The following ADIG variants were observed in gnomAD, a reference collection of about 807,000 sequenced individuals.
ADIG encodes the protein adipogenesis associated.
A neutral mutation model predicts 10.7 loss-of-function variants in ADIG; 12 were observed. The observed-to-expected ratio is 1.12, with a 90% CI of 0.72 to 1.82. The LOEUF (loss-of-function observed/expected upper bound fraction) is 1.82. ADIG is among the 40% of genes most tolerant of loss of function. The pLI, the probability that ADIG is intolerant of heterozygous loss-of-function variation, is 0.00. For synonymous variants in ADIG, 32 were observed against 35.6 expected (o/e 0.90, Z 0.36); for missense variants, 72 against 92.5 (o/e 0.78, Z 0.91).
chr20:38,581,528 G>A (rs1462292250), intron 1 of ADIG, among the ~76,000 whole-genome samples, 154 bp downstream of exon 1: 1 of 152,190 alleles, frequency 6.6e-6, no homozygotes, highest in Non-Finnish European at 1.5e-5. Flanking sequence ...TAAGTGGAAA[G>A]GATTGGTTTG....
chr20:38,585,430 C>CGTAGATATTCTGCAAGTCAGAAGAT, intron 1 of ADIG: 1 of 1,550,230 alleles, frequency 6.5e-7, no homozygotes, highest in Non-Finnish European at 8.7e-7. Flanking sequence ...TATAATATAC[C>CGTAGATATTCTGCAAGTCAGAAGAT]GTAGATATTC....
intron 2 of ADIG, among the ~76,000 whole-genome samples, chr20:38,587,565 G>A (rs1052063507): frequency 1.3e-5 from 2 of 152,006 alleles, no homozygotes; most frequent in African/African-American, 4.8e-5. Context: ...TGAACAAGGG[G>A]CCCCACGTGT....
At chr20:38,587,156 A>G (rs2088644268) in intron 2 of ADIG, among the ~76,000 whole-genome samples, 1 of 152,128 alleles carries the variant, frequency 6.6e-6, no homozygotes, top group African/African-American at 2.4e-5. Context: ...CATGAATAGC[A>G]CCACTGTGGA....
At chr20:38,585,326 T>C in intron 1 of ADIG, 1 of 1,218,250 alleles carries the variant, frequency 8.2e-7, no homozygotes, top group Admixed American at 2.2e-5. Context: ...GTTAGCAAAC[T>C]CATTAACGTG....
chr20:38,586,645 GC>G (rs1465944210), intron 2 of ADIG, among the ~76,000 whole-genome samples: 5 of 152,120 alleles, frequency 3.3e-5, no homozygotes, highest in Non-Finnish European at 2.9e-5. Flanking sequence ...TTTGATCGTG[GC>G]TGCATCCAAA....
At position 38,586,177 on chromosome 20, in the gene ADIG, G is replaced by C; in HGVS notation, c.*14+16G>C. ...GCTGTGCCAGGTGAGGCCCTTCCAG[G>C]GGCCAGGGGGAGCCTCAAGGCCCAC... On this transcript the variant is annotated intron_variant, in intron 2 of 2. Coordinates refer to ENST00000537425, the MANE Select transcript of ADIG (RefSeq NM_001393816.1). The C allele has an allele frequency of 6.4e-7, 1 of 1,559,062 alleles. No homozygotes were observed.
intron 1 of ADIG, 82 bp downstream of exon 1, chr20:38,581,456 A>G: frequency 6.3e-7 from 1 of 1,576,242 alleles, no homozygotes; most frequent in Admixed American, 1.8e-5. Context: ...TCCTGAAACA[A>G]CTGCAGAAGG....
Position 38,586,118 on chromosome 20 carries a change from G to A in ADIG, c.214G>A (p.Gly72Ser), listed in dbSNP as rs752498111. The change falls in exon 2 of 3, where the codon GGC (glycine) becomes AGC (serine). Residue 72 changes from glycine to serine, a missense_variant. Coordinates refer to ENST00000537425, the MANE Select transcript of ADIG (RefSeq NM_001393816.1). ...AEFCWKGTLH[G>S]QEKERPCW ...GTTTTGCTGGAAGGGGACACTCCACGGCCAAGAGAAGGAGAGGCCCTGCTG... is the reference window on the plus strand; with the variant it reads ...GTTTTGCTGGAAGGGGACACTCCACAGCCAAGAGAAGGAGAGGCCCTGCTG... 14 of 1,603,332 alleles carry A rather than the reference G, an allele frequency of 8.7e-6. No individual in the cohort carries two copies. Among genetic ancestry groups the A allele is most frequent in the African/African-American group, 6.7e-5 (5 of 74,918 alleles).
chr20:38,584,998 G>C (rs536778144), intron 1 of ADIG, among the ~76,000 whole-genome samples: 1 of 152,158 alleles, frequency 6.6e-6, no homozygotes, highest in African/African-American at 2.4e-5. Flanking sequence ...GGATGGTCTC[G>C]ATCTCTTGAT....
At chr20:38,584,789 T>C (rs1421122812) in intron 1 of ADIG, among the ~76,000 whole-genome samples, 1 of 152,222 alleles carries the variant, frequency 6.6e-6, no homozygotes, top group Non-Finnish European at 1.5e-5. Context: ...CTGACTTTTT[T>C]TTTTTTTGAG....
intron 2 of ADIG, among the ~76,000 whole-genome samples, chr20:38,586,782 G>A (rs2088641473): frequency 6.6e-6 from 1 of 152,022 alleles, no homozygotes; most frequent in Non-Finnish European, 1.5e-5. Flanking sequence ...ACCAAGGCCT[G>A]TCTGAACCGT....
rs373054189 is a variant in ADIG at position 38,581,388 on chromosome 20, C to T, written c.124+14C>T. 1 of 1,613,682 alleles carries T rather than the reference C, an allele frequency of 6.2e-7. No individual in the cohort carries two copies. The highest frequency in any genetic ancestry group is 1.3e-5 in the African/African-American group (1 of 74,920). On this transcript the variant is annotated intron_variant, in intron 1 of 2. Coordinates refer to ENST00000537425, the MANE Select transcript of ADIG (RefSeq NM_001393816.1). ...TACTTAGCCAAGGTGAGCTTCTTACCCCGTCCAGGCAGGACCCTAATCCTG... is the reference window on the plus strand; with the variant it reads ...TACTTAGCCAAGGTGAGCTTCTTACTCCGTCCAGGCAGGACCCTAATCCTG...
chr20:38,583,227 A>C (rs957680435), intron 1 of ADIG, among the ~76,000 whole-genome samples: 1 of 152,238 alleles, frequency 6.6e-6, no homozygotes, highest in African/African-American at 2.4e-5. Flanking sequence ...TGTAATCCTC[A>C]TAATAACCCT....
intron 1 of ADIG, among the ~76,000 whole-genome samples, chr20:38,584,483 T>C (rs55929823): frequency 0.033 from 5,093 of 152,234 alleles, 284 homozygotes; most frequent in African/African-American, 0.12. Context: ...TCATGGTGGG[T>C]CTTGGAGCAA....
In ADIG at chr20:38,588,434, C is replaced by T. The variant is rs1227740552; in HGVS notation, c.*348C>T. ...TCCATATTAAAGAAGCAAGGGTCTT[C>T]CCATACCCGGGGGACCCCTGACAAA... On this transcript the variant is annotated 3_prime_UTR_variant, in exon 3 of 3. Transcript: ENST00000537425. 4.1e-6 allele frequency: 5 copies of T among 1,213,062 alleles called. No homozygotes were observed. Among genetic ancestry groups the T allele is most frequent in the South Asian group, 3.1e-5 (2 of 65,464 alleles). 75.1% of individuals were successfully genotyped at this position (1,213,062 alleles called of 1,614,324 possible). A position where few individuals can be genotyped will look rare whatever the true frequency, so the allele number is the denominator to read the frequency against.
intron 2 of ADIG, among the ~76,000 whole-genome samples, chr20:38,586,899 A>G (rs556964489): frequency 3.2e-4 from 48 of 152,124 alleles, no homozygotes; most frequent in African/African-American, 1.1e-3. Context: ...TGTCAGGGCA[A>G]TCAGATGCTG....
intron 1 of ADIG, among the ~76,000 whole-genome samples, chr20:38,581,797 A>G (rs539539083): frequency 5.3e-5 from 8 of 152,318 alleles, no homozygotes; most frequent in South Asian, 2.1e-4. Flanking sequence ...CACCCTCTCA[A>G]TTGGCTGCTT....
At chr20:38,581,400 G>A (rs2088590519) in intron 1 of ADIG, 26 bp downstream of exon 1, 2 of 1,613,562 alleles carry the variant, frequency 1.2e-6, no homozygotes, top group South Asian at 2.2e-5. Context: ...CGTCCAGGCA[G>A]GACCCTAATC....
At position 38,581,335 on chromosome 20, in the gene ADIG, T is replaced by C. The variant is rs115898826; in HGVS notation, c.85T>C (p.Leu29=). 1,398 of 1,613,974 alleles carry C rather than the reference T, an allele frequency of 8.7e-4. 7 individuals are homozygous for C. The African/African-American group carries it at 0.016, about 18-fold the overall frequency. Residue 29 remains leucine (L), a synonymous_variant, in exon 1 of 3, where the codon TTG becomes CTG. Transcript: ENST00000537425. ...GTTCTGCCTCCCTGTGGGTTTGCTG[T>C]TGTTATTGATCATCTGGCTACGCTT... ...FWFCLPVGLL[L]LLIIWLRFLL...
Sources: gnomAD v4.1 joint callset for allele counts (sites outside exome capture counted in the v4.1 genomes callset) on GRCh38, gnomAD v4.1.1 for gene constraint, MANE v1.5 for transcripts, NCBI Gene and HGNC (gene_info 2026-07-23, HGNC 2026-07-21) for gene names.